Variants in SKOR1 observed in about 807,000 individuals in gnomAD.
The protein encoded by SKOR1 is LBX1 corepressor 1.
SKOR1 carries 38 observed loss-of-function variants against 72.4 expected under a neutral mutation model. The ratio of observed to expected loss-of-function variants is 0.52; its 90% CI spans 0.40 to 0.69. SKOR1 has a LOEUF of 0.69. Ranked by LOEUF, SKOR1 falls within the 30% of genes least tolerant of loss-of-function variation. SKOR1 has a pLI of 0.00. For missense variants in SKOR1, 1,320 were observed against 1,343.2 expected, an observed-to-expected ratio of 0.98 and a Z score of 0.27; for synonymous variants, 642 against 599.4, an observed-to-expected ratio of 1.07 and a Z score of -1.04.
In SKOR1 at chr15:67,826,377, G is replaced by A. The variant is rs770475258; in HGVS notation, c.549G>A (p.Val183=). The A allele has an allele frequency of 1.1e-5, 18 of 1,613,826 alleles. No homozygotes were observed. The highest frequency in any genetic ancestry group is 1.4e-5 in the Non-Finnish European group (17 of 1,179,944). Reference sequence around the variant, plus strand: ...TGCCCGAGAACTTCGCCTTCGATGTGGTGCACGAGTGCGCGTGGGGCTCGC... The same window carrying A: ...TGCCCGAGAACTTCGCCTTCGATGTAGTGCACGAGTGCGCGTGGGGCTCGC... ...PKLPENFAFD[V]VHECAWGSRG... The change falls in exon 2 of 9, where the codon GTG becomes GTA. Residue 183 remains valine, a synonymous_variant. Coordinates refer to ENST00000380035, the MANE Select transcript of SKOR1 (RefSeq NM_001365915.1).
Position 67,832,149 on chromosome 15 carries a change from AG to A in SKOR1, c.2588-122del, listed in dbSNP as rs1348597701. 1.2e-6 allele frequency: 1 copy of A among 802,376 alleles called. No homozygotes were observed. Among genetic ancestry groups the A allele is most frequent in the Non-Finnish European group, 2.1e-6 (1 of 473,108 alleles). The allele number at this position is 802,376 out of a possible 1,614,324, so 49.7% of individuals were successfully genotyped here. A position where few individuals can be genotyped will look rare whatever the true frequency, so the allele number is the denominator to read the frequency against. Reference sequence around the variant, plus strand: ...TGCAGTTGGTAAAGCCAGAGAGCGGAGGGCCTCCACCTACTGGTCATCCTTC... The same window carrying A: ...TGCAGTTGGTAAAGCCAGAGAGCGGAGGCCTCCACCTACTGGTCATCCTTC... On this transcript the variant is annotated intron_variant, in intron 5 of 8. Coordinates refer to ENST00000380035, the MANE Select transcript of SKOR1 (RefSeq NM_001365915.1). The surrounding 1 kb of genome is among the most constrained non-coding windows in gnomAD (Gnocchi z 4.5).
chr15:67,831,010 G>A lies in SKOR1; in HGVS notation c.2587+121G>A, dbSNP rs1250664608. 3.4e-5 allele frequency: 33 copies of A among 975,760 alleles called. No individual in the cohort carries two copies. The East Asian group carries it at 6.3e-4, about 19-fold the overall frequency. 60.4% of individuals were successfully genotyped at this position (975,760 alleles called of 1,614,324 possible). A position where few individuals can be genotyped will look rare whatever the true frequency, so the allele number is the denominator to read the frequency against. Reference sequence around the variant, plus strand: ...AAAGACACTCACCAAGGCCTTGGGGGCATGAGTTTTCCTTTCTTTGGGTGG... The same window carrying A: ...AAAGACACTCACCAAGGCCTTGGGGACATGAGTTTTCCTTTCTTTGGGTGG... On this transcript the variant is annotated intron_variant, in intron 5 of 8. Coordinates refer to ENST00000380035, the MANE Select transcript of SKOR1 (RefSeq NM_001365915.1).
At chr15:67,830,117 G>T (rs1218846040) in intron 3 of SKOR1, 74 bp from the exon 4 acceptor site, 2 of 1,501,714 alleles carry the variant, frequency 1.3e-6, no homozygotes, top group East Asian at 2.3e-5. Flanking sequence ...GGGGCGCCCC[G>T]ACCGCGGCAG....
rs148252639 is a variant in SKOR1, at chr15:67,826,755, C to G, written c.927C>G (p.Gly309=). ...GTGCTGGCGGCGGTGGCGGCGGTGG[C>G]CCAGGGTGCGGTGCAGAGATGGCCC... is the stretch of plus-strand genomic sequence containing the variant. The part of the protein sequence containing the change: ...KGGAGGGGGG[G]PGCGAEMAPG... The change falls in exon 2 of 9, where the codon GGC becomes GGG. Residue 309 remains glycine (G), a synonymous_variant. Coordinates refer to ENST00000380035, the MANE Select transcript of SKOR1 (RefSeq NM_001365915.1). 107 of 1,535,772 alleles carry G rather than the reference C, an allele frequency of 7.0e-5. 1 individual carries two copies. The African/African-American group carries it at 1.3e-3, about 18-fold the overall frequency.
Position 67,830,241 on chromosome 15 carries a change from A to G in SKOR1, c.2458A>G (p.Lys820Glu). 6.2e-7 allele frequency: 1 copy of G among 1,614,210 alleles called. No individual in the cohort carries two copies. ...HSPADDLETR[K>E]SYPDQRSISQ... is the part of the protein sequence containing the mutation. The stretch of plus-strand genomic sequence containing the variant: ...GCCCGCCGATGATTTGGAAACGAGG[A>G]AATCCTATCCAGACCAAAGGAGTAT... Residue 820 changes from lysine (K) to glutamate (E), a missense_variant, in exon 4 of 9, where the codon AAA becomes GAA. Coordinates refer to ENST00000380035, the MANE Select transcript of SKOR1 (RefSeq NM_001365915.1).
At position 67,826,324 on chromosome 15, in the gene SKOR1, T is replaced by C; in HGVS notation, c.496T>C (p.Phe166Leu). The C allele has an allele frequency of 6.2e-7, 1 of 1,613,508 alleles. No homozygotes were observed. The highest frequency in any genetic ancestry group is 8.5e-7 in the Non-Finnish European group (1 of 1,179,984). The change falls in exon 2 of 9, where the codon TTC becomes CTC. Residue 166 changes from phenylalanine to leucine, a missense_variant. Transcript: ENST00000380035. ...AGAGGCCGAACGCCTGTGCAAGTCG[T>C]TCCTGGGCGAGCACAAACCACCCAA... ...KREAERLCKS[F>L]LGEHKPPKLP...
At position 67,833,805 on chromosome 15, in the gene SKOR1, A is replaced by G; in HGVS notation, c.2867A>G (p.Asn956Ser). The G allele has an allele frequency of 6.2e-7, 1 of 1,612,498 alleles. No homozygotes were observed. The highest frequency in any genetic ancestry group is 1.7e-5 in the Admixed American group (1 of 60,030). The change falls in exon 9 of 9, where the codon AAC becomes AGC. Residue 956 changes from asparagine (N) to serine (S), a missense_variant. Physicochemically the swap from Asn to Ser is conservative, Grantham distance 46. Transcript: ENST00000380035. This position sits in a 1 kb window ranked among gnomAD's most constrained non-coding sequence, Gnocchi z 6.0. The part of the protein sequence containing the change: ...KMLTPRHCTG[N>S]CSFKPPLLP ...CTGACGCCCCGCCACTGCACTGGCA[A>G]CTGCTCCTTCAAGCCACCGCTGTTG...
In SKOR1 at chr15:67,825,616, G is replaced by C; in HGVS notation, c.14G>C (p.Cys5Ser). The C allele has an allele frequency of 1.4e-6, 1 of 720,506 alleles. No homozygotes were observed. The highest frequency in any genetic ancestry group is 2.0e-5 in the Admixed American group (1 of 50,222). 44.6% of individuals were successfully genotyped at this position (720,506 alleles called of 1,614,324 possible). A position where few individuals can be genotyped will look rare whatever the true frequency, so the allele number is the denominator to read the frequency against. The change falls in exon 1 of 9, where the codon TGT (cysteine) becomes TCT (serine). Residue 5 changes from cysteine (C) to serine (S), a missense_variant. This residue lies in a region of SKOR1 where 120 missense variants were observed against 104.9 expected (regional missense o/e 1.14). Coordinates refer to ENST00000380035, the MANE Select transcript of SKOR1 (RefSeq NM_001365915.1). This position sits in a 1 kb window ranked among gnomAD's most constrained non-coding sequence, Gnocchi z 5.6. Reference protein sequence around the residue: MALLCGLGQVTLRIW... With the variant: MALLSGLGQVTLRIW... ...CAGGATTTGGCAATGGCTTTGCTGTGTGGCCTTGGGCAAGTCACTCTGCGT... is the reference window on the plus strand; with the variant it reads ...CAGGATTTGGCAATGGCTTTGCTGTCTGGCCTTGGGCAAGTCACTCTGCGT...
At position 67,827,848 on chromosome 15, in the gene SKOR1, G is replaced by T; in HGVS notation, c.2020G>T (p.Ala674Ser). Residue 674 changes from alanine to serine, a missense_variant, in exon 2 of 9, where the codon GCC becomes TCC. By Grantham distance (99) the Ala-to-Ser change is moderately conservative. This residue lies in a region of SKOR1 where 1,099 missense variants were observed against 1,025.5 expected (regional missense o/e 1.07). Transcript: ENST00000380035. ...CAACCGCTTCCCCGACGACGAGGAC[G>T]CCCAAGAGGAGACCGAGCCCAGCGC... is the stretch of plus-strand genomic sequence containing the variant. Reference protein sequence around the residue: ...ESNRFPDDEDAQEETEPSAPS... With the variant: ...ESNRFPDDEDSQEETEPSAPS... The T allele has an allele frequency of 6.3e-7, 1 of 1,599,074 alleles. No homozygotes were observed. Among genetic ancestry groups the T allele is most frequent in the Non-Finnish European group, 8.5e-7 (1 of 1,173,692 alleles).
Position 67,830,112 on chromosome 15 carries a change from G to T in SKOR1, c.2408-79G>T, listed in dbSNP as rs1202101806. On this transcript the variant is annotated intron_variant, in intron 3 of 8. Transcript: ENST00000380035. ...CGACGCTTTTAATTAGGGCTGGGGC[G>T]CCCCGACCGCGGCAGCTCCGGCAGT... 4 of 1,441,796 alleles carry T rather than the reference G, an allele frequency of 2.8e-6. No individual in the cohort carries two copies. The African/African-American group carries it at 4.2e-5, about 15-fold the overall frequency. 89.3% of individuals were successfully genotyped at this position (1,441,796 alleles called of 1,614,324 possible). A position where few individuals can be genotyped will look rare whatever the true frequency, so the allele number is the denominator to read the frequency against.
At position 67,827,076 on chromosome 15, in the gene SKOR1, G is replaced by A. The variant is rs752295660; in HGVS notation, c.1248G>A (p.Ala416=). Residue 416 remains alanine (A), a synonymous_variant, in exon 2 of 9, where the codon GCG becomes GCA. Transcript: ENST00000380035. ...AAAAGGACGACCCGGTTTTAGGCGC[G>A]GGCGAGCCAAAGGGCGGTCCTGGCA... ...CPKKDDPVLG[A]GEPKGGPGTG... 2 of 1,528,576 alleles carry A rather than the reference G, an allele frequency of 1.3e-6. No homozygotes were observed. Among genetic ancestry groups the A allele is most frequent in the African/African-American group, 1.4e-5 (1 of 69,680 alleles). 94.7% of individuals were successfully genotyped at this position (1,528,576 alleles called of 1,614,324 possible).
Position 67,826,210 on chromosome 15 carries a change from G to T in SKOR1, c.382G>T (p.Val128Leu), listed in dbSNP as rs867410081. 3 of 1,613,346 alleles carry T rather than the reference G, an allele frequency of 1.9e-6. No individual in the cohort carries two copies. Among genetic ancestry groups the T allele is most frequent in the Non-Finnish European group, 2.5e-6 (3 of 1,180,014 alleles). Residue 128 changes from valine (V) to leucine (L), a missense_variant, in exon 2 of 9, where the codon GTG (valine) becomes TTG (leucine). Transcript: ENST00000380035. ...CCGCGTGGCCCTGGGCATCACGTGC[G>T]TGCAGTGCACGCCGGTACAGCTGGA... ...NRRVALGITC[V>L]QCTPVQLEIL...
chr15:67,826,995 C>T lies in SKOR1; in HGVS notation c.1167C>T (p.Pro389=), dbSNP rs754309829. The T allele has an allele frequency of 6.3e-6, 10 of 1,595,976 alleles. No individual in the cohort carries two copies. In the East Asian group the frequency reaches 2.2e-4, roughly 36 times the overall value. Reference sequence around the variant, plus strand: ...GCTTTGGGCTCCTGCAAAAGCTGCCCCCACCACTTTTCCCCCATCCTTACG... The same window carrying T: ...GCTTTGGGCTCCTGCAAAAGCTGCCTCCACCACTTTTCCCCCATCCTTACG... ...SKGFGLLQKL[P]PPLFPHPYGF... is the part of the protein sequence containing the mutation. Residue 389 remains proline (P), a synonymous_variant, in exon 2 of 9, where the codon CCC becomes CCT. Transcript: ENST00000380035.
At chr15:67,830,030 C>T (rs2090996541) in intron 3 of SKOR1, among the ~76,000 whole-genome samples, 161 bp from the exon 4 acceptor site, 1 of 152,174 alleles carries the variant, frequency 6.6e-6, no homozygotes, top group African/African-American at 2.4e-5. Flanking sequence ...GGGGGGTGCC[C>T]GGCCCAAAGC....
rs767704429 is a variant in SKOR1 at position 67,827,251 on chromosome 15, G to A, written c.1423G>A (p.Val475Met). 5 of 1,575,832 alleles carry A rather than the reference G, an allele frequency of 3.2e-6. No individual in the cohort carries two copies. The Admixed American group carries it at 5.1e-5, about 16-fold the overall frequency. The stretch of plus-strand genomic sequence containing the variant: ...CGGGGCAGCCAAGGACGCAGCGGCA[G>A]TGGCTGCAGCGGCCGCCGCCGCCAC... ...PSGAAKDAAA[V>M]AAAAAAATVY... Residue 475 changes from valine (V) to methionine (M), a missense_variant, in exon 2 of 9, where the codon GTG becomes ATG. Physicochemically the swap from Val to Met is conservative, Grantham distance 21. This residue lies in a region of SKOR1 where 1,099 missense variants were observed against 1,025.5 expected (regional missense o/e 1.07). Transcript: ENST00000380035.
rs777203621 is a variant in SKOR1, at chr15:67,827,388, A to C, written c.1560A>C (p.Ala520=). 10 of 1,547,968 alleles carry C rather than the reference A, an allele frequency of 6.5e-6. 1 individual carries two copies. The highest frequency in any genetic ancestry group is 1.7e-4 in the Middle Eastern group (1 of 5,884). The change falls in exon 2 of 9, where the codon GCA becomes GCC. Residue 520 remains alanine, a synonymous_variant. Coordinates refer to ENST00000380035, the MANE Select transcript of SKOR1 (RefSeq NM_001365915.1). ...AKAVAAAVAA[A]AAAAAAAAGS... ...CCGTGGCGGCAGCCGTGGCGGCGGC[A>C]GCGGCGGCGGCAGCGGCAGCTGCTG...
rs1390258117 is a variant in SKOR1, at chr15:67,833,662, C to T, written c.2804-80C>T. ...CCTGACCCCAAAGGGTTGGTAAGGC[C>T]GGGGAGGGGAAAGGGTGGACTGCGC... On this transcript the variant is annotated intron_variant, in intron 8 of 8. Coordinates refer to ENST00000380035, the MANE Select transcript of SKOR1 (RefSeq NM_001365915.1). This position sits in a 1 kb window ranked among gnomAD's most constrained non-coding sequence, Gnocchi z 6.0. 3.5e-6 allele frequency: 5 copies of T among 1,435,170 alleles called. No homozygotes were observed. The East Asian group carries it at 1.1e-4, about 33-fold the overall frequency. The allele number at this position is 1,435,170 out of a possible 1,614,324, so 88.9% of individuals were successfully genotyped here. A position where few individuals can be genotyped will look rare whatever the true frequency, so the allele number is the denominator to read the frequency against.
Position 67,826,613 on chromosome 15 carries a change from A to G in SKOR1, c.785A>G (p.His262Arg), listed in dbSNP as rs756929563. 2 of 1,613,716 alleles carry G rather than the reference A, an allele frequency of 1.2e-6. No homozygotes were observed. The highest frequency in any genetic ancestry group is 1.6e-4 in the Middle Eastern group (1 of 6,062). ...AAGTCGGCCACAGACGAACTGAGCC[A>G]TGCTTGGGAGGACGTCAAGGCCATG... The part of the protein sequence containing the change: ...SDKSATDELS[H>R]AWEDVKAMFN... The change falls in exon 2 of 9, where the codon CAT (histidine) becomes CGT (arginine). Residue 262 changes from histidine to arginine, a missense_variant. Transcript: ENST00000380035.
chr15:67,827,893 C>G lies in SKOR1; in HGVS notation c.2065C>G (p.Pro689Ala). 1 of 1,600,090 alleles carries G rather than the reference C, an allele frequency of 6.2e-7. No individual in the cohort carries two copies. Among genetic ancestry groups the G allele is most frequent in the South Asian group, 1.1e-5 (1 of 88,922 alleles). The change falls in exon 2 of 9, where the codon CCA becomes GCA. Residue 689 changes from proline (P) to alanine (A), a missense_variant. By Grantham distance (27) the Pro-to-Ala change is conservative. Transcript: ENST00000380035. ...CAGCGCACCCAGCGCAGGGGGCGGC[C>G]CAGACGGTGAACAGCCCACTGGACC... ...EPSAPSAGGG[P>A]DGEQPTGPPS...
Sources: gnomAD v4.1 joint callset for allele counts (sites outside exome capture counted in the v4.1 genomes callset) on GRCh38, gnomAD v4.1.1 for gene constraint, gnomAD v4.1.1 regional missense constraint, Gnocchi (gnomAD v3.1) non-coding constraint, MANE v1.5 for transcripts, NCBI Gene and HGNC (gene_info 2026-07-23, HGNC 2026-07-21) for gene names.